The following GSTZ1 variants were observed in gnomAD, a reference collection of about 807,000 sequenced individuals.
The protein encoded by GSTZ1 is maleylacetoacetate isomerase.
In GSTZ1, 34 loss-of-function variants were observed where a neutral mutation model predicts 35.9. The observed-to-expected ratio is 0.95, with a 90% CI of 0.72 to 1.26. The LOEUF is 1.26. Ranked by LOEUF, GSTZ1 falls within the 50% of genes most tolerant of loss-of-function variation. The pLI is 0.00. For synonymous variants in GSTZ1, 93 were observed against 101.2 expected (o/e 0.92, Z 0.49); for missense variants, 263 against 271.7 (o/e 0.97, Z 0.23).
At chr14:77,324,511 G>T (rs1349028150) in intron 1 of GSTZ1, 1 of 1,141,508 alleles carries the variant, frequency 8.8e-7, no homozygotes, top group Non-Finnish European at 1.3e-6. Context: ...TTCCCCATTG[G>T]CTCCTGAAAT....
intron 1 of GSTZ1, chr14:77,321,419 G>A (rs1367869321): frequency 7.9e-6 from 12 of 1,527,726 alleles, no homozygotes; most frequent in Admixed American, 2.0e-5. Context: ...GCAGGGTGGA[G>A]TCGCTGTCCG....
At chr14:77,327,329 A>G in intron 3 of GSTZ1, 143 bp from the exon 4 acceptor site, 2 of 656,000 alleles carry the variant, frequency 3.0e-6, no homozygotes, top group South Asian at 3.5e-5. Flanking sequence ...TCCCCCAGGG[A>G]TTACCCTGGG....
Position 77,325,097 on chromosome 14 carries a change from C to G in GSTZ1, c.67+176C>G. 6.3e-6 allele frequency: 4 copies of G among 631,384 alleles called. No homozygotes were observed. The Admixed American group carries it at 7.1e-5, about 11-fold the overall frequency. 39.1% of individuals were successfully genotyped at this position (631,384 alleles called of 1,614,324 possible). A position where few individuals can be genotyped will look rare whatever the true frequency, so the allele number is the denominator to read the frequency against. ...CCATCCCTGCATGGCATCTCCACCC[C>G]GGAAACACAGGGTGAGGGTGGGAGG... On this transcript the variant is annotated intron_variant, in intron 2 of 8. Transcript: ENST00000216465.
At chr14:77,329,266 G>A in intron 6 of GSTZ1, 65 bp downstream of exon 6, 1 of 1,071,848 alleles carries the variant, frequency 9.3e-7, no homozygotes, top group Non-Finnish European at 1.5e-6. Context: ...TCGCACACAG[G>A]GGCCTGGGTA....
Position 77,327,493 on chromosome 14 carries a change from C to T in GSTZ1, c.157C>T (p.Leu53=). 2 of 1,608,200 alleles carry T rather than the reference C, an allele frequency of 1.2e-6. No individual in the cohort carries two copies. The highest frequency in any genetic ancestry group is 1.7e-6 in the Non-Finnish European group (2 of 1,176,762). The change falls in exon 4 of 9, where the codon CTG becomes TTG. Residue 53 remains leucine, a synonymous_variant. Transcript: ENST00000216465. ...GQQFSKDFQA[L]NPMKQVPTLK... is the part of the protein sequence containing the mutation. ...ACAGTTTTCTAAGGACTTCCAGGCA[C>T]TGAATCCTATGAAGCAGGTGCCAAC...
At chr14:77,323,334 T>TTTTTA (rs1366275622) in intron 1 of GSTZ1, 1 of 152,128 alleles carries the variant, frequency 6.6e-6, no homozygotes, top group African/African-American at 2.4e-5. Context: ...ATGATTTTTA[T>TTTTTA]TTTTATTTTA....
chr14:77,328,815 G>T lies in GSTZ1; in HGVS notation c.343-308G>T. The T allele has an allele frequency of 3.3e-5, 14 of 419,538 alleles. No individual in the cohort carries two copies. The South Asian group carries it at 3.5e-4, about 11-fold the overall frequency. The allele number at this position is 419,538 out of a possible 1,614,324, so 26.0% of individuals were successfully genotyped here. ...AAGTGAGGGAGACAGGCCTCGAGTT[G>T]TGGGCACACCTGCCACAGCCATGGC... is the stretch of plus-strand genomic sequence containing the variant. On this transcript the variant is annotated intron_variant, in intron 5 of 8. Transcript: ENST00000216465.
chr14:77,329,928 A>C (rs1892532628), intron 7 of GSTZ1, 121 bp downstream of exon 7: 2 of 768,050 alleles, frequency 2.6e-6, no homozygotes, highest in Admixed American at 2.0e-5. Flanking sequence ...GCCATGGGGC[A>C]CTCCTCAGCT....
chr14:77,327,915 G>A lies in GSTZ1; in HGVS notation c.220G>A (p.Ala74Thr), dbSNP rs1188799424. The A allele has an allele frequency of 2.5e-6, 4 of 1,613,858 alleles. No homozygotes were observed. The highest frequency in any genetic ancestry group is 1.7e-5 in the Admixed American group (1 of 60,008). Residue 74 changes from alanine (A) to threonine (T), a missense_variant, in exon 5 of 9, where the codon GCC becomes ACC. By Grantham distance (58) the Ala-to-Thr change is moderately conservative. Transcript: ENST00000216465. ...IDGITIHQSL[A>T]IIEYLEEMRP... ...CTCACTGCTCCCCTCTGGACAGCTGGCCATCATTGAGTATCTAGAGGAGAT... is the reference window on the plus strand; with the variant it reads ...CTCACTGCTCCCCTCTGGACAGCTGACCATCATTGAGTATCTAGAGGAGAT...
At chr14:77,327,733 G>A in intron 4 of GSTZ1, 179 bp from the exon 5 acceptor site, 7 of 730,356 alleles carry the variant, frequency 9.6e-6, no homozygotes, top group South Asian at 3.5e-5. Flanking sequence ...AGCACATGGA[G>A]AACCAAGTTC....
rs773112000 is a variant in GSTZ1 at position 77,331,145 on chromosome 14, G to T, written c.601G>T (p.Val201Leu). ...GCTGCTGGTCTTGGAGGCCTTCCAG[G>T]TGTCTCACCCCTGCCGGCAGCCAGA... The part of the protein sequence containing the change: ...KRLLVLEAFQ[V>L]SHPCRQPDTP... Residue 201 changes from valine to leucine, a missense_variant, in exon 9 of 9, where the codon GTG becomes TTG. Physicochemically the swap from Val to Leu is conservative, Grantham distance 32 (BLOSUM62 1). Transcript: ENST00000216465. 6.2e-7 allele frequency: 1 copy of T among 1,614,086 alleles called. No homozygotes were observed. The highest frequency in any genetic ancestry group is 1.1e-5 in the South Asian group (1 of 91,066).
rs754215481 is a variant in GSTZ1, at chr14:77,327,430, T to C, written c.136-42T>C. ...CTTGCTTGGCTTTCCTCTGGCCAAC[T>C]CAGGCCAGGCCACCCAGCCCACCAG... On this transcript the variant is annotated intron_variant, in intron 3 of 8. Coordinates refer to ENST00000216465, the MANE Select transcript of GSTZ1 (RefSeq NM_145870.3). 4.5e-6 allele frequency: 6 copies of C among 1,340,144 alleles called. No individual in the cohort carries two copies. The South Asian group carries it at 7.3e-5, about 16-fold the overall frequency. 83.0% of individuals were successfully genotyped at this position (1,340,144 alleles called of 1,614,324 possible).
intron 1 of GSTZ1, chr14:77,322,596 G>C: frequency 1.0e-6 from 1 of 984,700 alleles, no homozygotes; most frequent in East Asian, 1.1e-4. Flanking sequence ...CTGTAGCCTG[G>C]CTAGGTAAGG....
intron 5 of GSTZ1, 169 bp from the exon 6 acceptor site, chr14:77,328,954 C>T (rs756041408): frequency 1.1e-5 from 6 of 550,006 alleles, no homozygotes; most frequent in African/African-American, 3.6e-5. Flanking sequence ...CTACCTCCCT[C>T]CAACCTCAGG....
chr14:77,330,458 C>A, intron 8 of GSTZ1, 99 bp downstream of exon 8: 1 of 987,762 alleles, frequency 1.0e-6, no homozygotes, highest in Non-Finnish European at 1.6e-6. Context: ...GCTTCGCCAA[C>A]CAGCCAAGGA....
At chr14:77,327,144 C>A (rs1468951) in intron 3 of GSTZ1, 103,727 of 590,554 alleles carry the variant, frequency 0.18, 10,326 homozygotes, top group Admixed American at 0.25. Context: ...AGTGCCTGAC[C>A]CTGGGAGGGT....
chr14:77,326,372 G>A (rs1247952815), intron 2 of GSTZ1: 1 of 140,014 alleles, frequency 7.1e-6, no homozygotes, highest in Non-Finnish European at 1.5e-5. Context: ...CTGTCTGTGT[G>A]TGCTGTGTGT....
intron 8 of GSTZ1, among the ~76,000 whole-genome samples, chr14:77,330,652 GT>G (rs2139584586): frequency 6.6e-6 from 1 of 152,220 alleles, no homozygotes; most frequent in South Asian, 2.1e-4. Context: ...AATGTGGTGT[GT>G]CTGTGAGCAG....
At chr14:77,327,692 G>A (rs1161757437) in intron 4 of GSTZ1, 140 bp downstream of exon 4, 28 of 745,790 alleles carry the variant, frequency 3.8e-5, no homozygotes, top group South Asian at 9.7e-5. Context: ...GGGAGGGTGC[G>A]AGGTTATTTA....
Sources: allele counts gnomAD v4.1 joint callset (sites outside exome capture counted in the v4.1 genomes callset), GRCh38; gene constraint gnomAD v4.1.1; transcripts MANE v1.5; gene names NCBI Gene and HGNC (gene_info 2026-07-23, HGNC 2026-07-21).